SPHKAP: variants seen among roughly 807,000 people sequenced by gnomAD.
SPHKAP encodes SPHK1 interactor, AKAP domain containing, also known as A-kinase anchor protein SPHKAP.
A neutral mutation model predicts 137.5 loss-of-function variants in SPHKAP; 67 were observed. The observed-to-expected ratio is 0.49, with a 90% CI of 0.40 to 0.60. SPHKAP has a LOEUF of 0.60. Among genes scored for constraint, SPHKAP ranks in the 20% least tolerant of loss-of-function variants. SPHKAP has a pLI of 0.00. For missense variants in SPHKAP, 2,097 were observed against 2,069.3 expected, an observed-to-expected ratio of 1.01 and a Z score of -0.26; for synonymous variants, 813 against 785.3, an observed-to-expected ratio of 1.04 and a Z score of -0.59.
At chr2:228,101,724 T>C (rs1698187975) in intron 3 of SPHKAP, among the ~76,000 whole-genome samples, 2 of 152,162 alleles carry the variant, frequency 1.3e-5, no homozygotes, top group African/African-American at 4.8e-5. Context: ...GCCTATGGGG[T>C]TCAAACCAGT....
chr2:228,031,649 G>C (rs751143413), intron 3 of SPHKAP, among the ~76,000 whole-genome samples: 1 of 152,178 alleles, frequency 6.6e-6, no homozygotes, highest in African/African-American at 2.4e-5. Flanking sequence ...CACACGGCCA[G>C]ATACTCCTCT....
At chr2:228,141,490 T>C (rs946207120) in intron 1 of SPHKAP, among the ~76,000 whole-genome samples, 3 of 152,214 alleles carry the variant, frequency 2.0e-5, no homozygotes, top group Non-Finnish European at 4.4e-5. Context: ...AACATTAATA[T>C]ATGCACATTT....
chr2:228,144,127 A>G (rs572138947), intron 1 of SPHKAP, among the ~76,000 whole-genome samples: 34 of 152,176 alleles, frequency 2.2e-4, no homozygotes, highest in Middle Eastern at 3.4e-3. Context: ...CACCTTCTCA[A>G]TGAGACTTCC....
chr2:227,980,239 A>G lies in SPHKAP; in HGVS notation c.*1478T>C, dbSNP rs1375735805. 1 of 152,350 alleles carries G rather than the reference A, an allele frequency of 6.6e-6. No homozygotes were observed. Among genetic ancestry groups the G allele is most frequent in the Non-Finnish European group, 1.5e-5 (1 of 68,034 alleles). 9.4% of individuals were successfully genotyped at this position (152,350 alleles called of 1,614,324 possible). A position where few individuals can be genotyped will look rare whatever the true frequency, so the allele number is the denominator to read the frequency against. On this transcript the variant is annotated 3_prime_UTR_variant, in exon 12 of 12. Transcript: ENST00000392056. ...AAGCATAATAACCTAAATTTGGACTATCTGAATAAGAAATGCCTAATGAGC... is the reference window on the plus strand; with the variant it reads ...AAGCATAATAACCTAAATTTGGACTGTCTGAATAAGAAATGCCTAATGAGC...
intron 2 of SPHKAP, among the ~76,000 whole-genome samples, chr2:228,120,805 G>A (rs1197816697): frequency 2.0e-5 from 3 of 152,126 alleles, no homozygotes; most frequent in Non-Finnish European, 2.9e-5. Flanking sequence ...CAGTAACTGC[G>A]TTTGAGTCTC....
At chr2:228,165,167 A>G (rs1159949744) in intron 1 of SPHKAP, among the ~76,000 whole-genome samples, 2 of 145,682 alleles carry the variant, frequency 1.4e-5, no homozygotes, top group Non-Finnish European at 3.0e-5. Flanking sequence ...TTTTTTTTTT[A>G]CCCATCTCAC....
chr2:228,094,772 T>C (rs1007441458), intron 3 of SPHKAP, among the ~76,000 whole-genome samples: 6 of 151,830 alleles, frequency 4.0e-5, no homozygotes, highest in South Asian at 4.1e-4. Context: ...AGGGTGGCAG[T>C]TGGGAACTAG....
At chr2:228,024,311 G>A (rs1313638734) in intron 5 of SPHKAP, among the ~76,000 whole-genome samples, 1 of 149,482 alleles carries the variant, frequency 6.7e-6, no homozygotes, top group Non-Finnish European at 1.5e-5. Flanking sequence ...CTTGCCAAAA[G>A]CTAGGAAAAG....
chr2:228,111,916 A>C (rs913998734), intron 2 of SPHKAP, among the ~76,000 whole-genome samples: 1 of 152,000 alleles, frequency 6.6e-6, no homozygotes. Context: ...ATAAAACTAC[A>C]TTTTCTTATG....
At chr2:228,127,659 C>T (rs988896805) in intron 2 of SPHKAP, among the ~76,000 whole-genome samples, 17 of 152,160 alleles carry the variant, frequency 1.1e-4, no homozygotes, top group Non-Finnish European at 2.1e-4. Flanking sequence ...CTTCTGAGTA[C>T]CTTCTGCTGA....
chr2:228,144,468 C>CAT (rs35988528), intron 1 of SPHKAP, among the ~76,000 whole-genome samples: 65,809 of 151,806 alleles, frequency 0.43, 14,601 homozygotes, highest in Middle Eastern at 0.53. Flanking sequence ...TACATAGTTT[C>CAT]ATATATAGAA....
chr2:228,073,333 C>T (rs1238489284), intron 3 of SPHKAP, among the ~76,000 whole-genome samples: 1 of 152,178 alleles, frequency 6.6e-6, no homozygotes, highest in East Asian at 1.9e-4. Context: ...TGAATAAAGT[C>T]AGGGCCAAAG....
chr2:228,119,609 C>A lies in SPHKAP; in HGVS notation c.139-10670G>T, dbSNP rs186826746. Among the ~76,000 whole-genome samples, 50 of 152,082 alleles carry A rather than the reference C, an allele frequency of 3.3e-4. 1 individual carries two copies. The highest frequency in any genetic ancestry group is 7.2e-5 in the African/African-American group (3 of 41,490). On this transcript the variant is annotated intron_variant, in intron 2 of 11. Coordinates refer to ENST00000392056, the MANE Select transcript of SPHKAP (RefSeq NM_001142644.2). ...GAATTCTATAGTCTTTTGTTTTCTACTCTGGGATATAAATACTTTTCCATT... is the reference window on the plus strand; with the variant it reads ...GAATTCTATAGTCTTTTGTTTTCTAATCTGGGATATAAATACTTTTCCATT...
At chr2:228,172,842 C>T (rs916992290) in intron 1 of SPHKAP, among the ~76,000 whole-genome samples, 5 of 152,194 alleles carry the variant, frequency 3.3e-5, no homozygotes, top group Admixed American at 6.5e-5. Flanking sequence ...AAGCAAGTCA[C>T]ACATGAGATC....
chr2:227,993,497 G>A (rs1693499448), intron 9 of SPHKAP, 37 bp downstream of exon 9: 1 of 1,538,586 alleles, frequency 6.5e-7, no homozygotes, highest in Admixed American at 1.9e-5. Context: ...AATTGGAGTA[G>A]TGGTCTCACA....
intron 3 of SPHKAP, among the ~76,000 whole-genome samples, chr2:228,060,773 A>T (rs879314957): frequency 2.6e-5 from 4 of 152,182 alleles, no homozygotes; most frequent in Non-Finnish European, 4.4e-5. Context: ...AGGGGCTGAC[A>T]TGGAGAGGCA....
At chr2:228,046,734 T>C in intron 3 of SPHKAP, among the ~76,000 whole-genome samples, 1 of 152,212 alleles carries the variant, frequency 6.6e-6, no homozygotes, top group Non-Finnish European at 1.5e-5. Context: ...GTAATATCAT[T>C]CTATTTTCCT....
At chr2:228,047,336 G>A (rs1696097490) in intron 3 of SPHKAP, among the ~76,000 whole-genome samples, 1 of 151,816 alleles carries the variant, frequency 6.6e-6, no homozygotes, top group Non-Finnish European at 1.5e-5. Context: ...TGTGGTGGCA[G>A]GTGCCTGTAA....
intron 3 of SPHKAP, among the ~76,000 whole-genome samples, chr2:228,050,606 A>G (rs1382856389): frequency 2.0e-5 from 3 of 152,110 alleles, no homozygotes; most frequent in African/African-American, 4.8e-5. Context: ...AATATCTATC[A>G]CCTTCAATAT....
Sources: gnomAD v4.1 joint callset for allele counts (sites outside exome capture counted in the v4.1 genomes callset) on GRCh38, gnomAD v4.1.1 for gene constraint, MANE v1.5 for transcripts, NCBI Gene and HGNC (gene_info 2026-07-23, HGNC 2026-07-21) for gene names.